Variants in CDH18 observed in about 807,000 individuals in gnomAD.
CDH18 encodes cadherin 18, also known as cadherin-18.
Under a neutral mutation model 67.9 loss-of-function variants are expected in CDH18, and 31 were observed. The ratio of observed to expected loss-of-function variants is 0.46; its 90% CI spans 0.34 to 0.62. The LOEUF (loss-of-function observed/expected upper bound fraction) is 0.62, where lower values mean the gene tolerates loss of function less well. CDH18 is among the 20% of genes least tolerant of loss of function. The pLI is 0.01. For synonymous variants in CDH18, 362 were observed against 347.2 expected (o/e 1.04, Z -0.48); for missense variants, 890 against 975.5 (o/e 0.91, Z 1.17).
chr5:19,549,554 G>A (rs962195389), intron 8 of CDH18, among the ~76,000 whole-genome samples: 3 of 147,478 alleles, frequency 2.0e-5, no homozygotes, highest in African/African-American at 7.5e-5. Flanking sequence ...AAGAATGAAA[G>A]ATATATATTA....
intron 2 of CDH18, among the ~76,000 whole-genome samples, chr5:20,017,002 G>C (rs558801615): frequency 6.6e-6 from 1 of 151,990 alleles, no homozygotes; most frequent in African/African-American, 2.4e-5. Context: ...TAAATAGCAT[G>C]ATCAAATAAA....
intron 5 of CDH18, among the ~76,000 whole-genome samples, chr5:19,615,701 C>A (rs1331905200): frequency 6.6e-6 from 1 of 152,126 alleles, no homozygotes; most frequent in African/African-American, 2.4e-5. Context: ...CTATCCCTCC[C>A]CTCCCTCAAC....
At chr5:20,462,513 A>T (rs1010800207) in intron 1 of CDH18, among the ~76,000 whole-genome samples, 2 of 152,240 alleles carry the variant, frequency 1.3e-5, no homozygotes, top group African/African-American at 4.8e-5. Context: ...TTCCCAACAT[A>T]TAGAAATGAT....
At chr5:20,192,706 C>T (rs1394925058) in intron 2 of CDH18, among the ~76,000 whole-genome samples, 3 of 152,024 alleles carry the variant, frequency 2.0e-5, no homozygotes, top group South Asian at 2.1e-4. Context: ...CTCCATTGGT[C>T]TATATGTCTG....
At chr5:19,814,941 T>C (rs1367456999) in intron 3 of CDH18, among the ~76,000 whole-genome samples, 1 of 151,938 alleles carries the variant, frequency 6.6e-6, no homozygotes, top group Non-Finnish European at 1.5e-5. Flanking sequence ...TGAATAAATA[T>C]ATACACTGTG....
chr5:19,907,315 G>A (rs1790647325), intron 2 of CDH18, among the ~76,000 whole-genome samples: 1 of 151,912 alleles, frequency 6.6e-6, no homozygotes, highest in African/African-American at 2.4e-5. Context: ...TGGGACAAAA[G>A]TGTTTTGGAT....
At chr5:20,117,145 A>T (rs1348003966) in intron 2 of CDH18, among the ~76,000 whole-genome samples, 1 of 152,104 alleles carries the variant, frequency 6.6e-6, no homozygotes, top group Admixed American at 6.6e-5. Flanking sequence ...TTACATTTAA[A>T]TTTATATTCG....
intron 10 of CDH18, among the ~76,000 whole-genome samples, chr5:19,519,034 C>G (rs542998168): frequency 4.6e-5 from 7 of 152,148 alleles, no homozygotes; most frequent in Non-Finnish European, 8.8e-5. Context: ...TAGCTGTACC[C>G]GGTCAGGTAA....
intron 2 of CDH18, among the ~76,000 whole-genome samples, chr5:20,083,068 G>A (rs189009304): frequency 1.3e-5 from 2 of 152,296 alleles, no homozygotes; most frequent in East Asian, 3.9e-4. Context: ...ATGTTACATT[G>A]CATTTCCAAC....
At chr5:20,055,358 A>C (rs1393366245) in intron 2 of CDH18, among the ~76,000 whole-genome samples, 3 of 152,358 alleles carry the variant, frequency 2.0e-5, no homozygotes, top group African/African-American at 7.2e-5. Flanking sequence ...CAAAGCCTCA[A>C]TTCTGAAACA....
chr5:20,386,643 C>A (rs955674941), intron 1 of CDH18, among the ~76,000 whole-genome samples: 2 of 152,022 alleles, frequency 1.3e-5, no homozygotes, highest in African/African-American at 4.8e-5. Context: ...CTTGTATTCC[C>A]CCTTTGTAGA....
chr5:19,908,132 A>G (rs570156650), intron 2 of CDH18, among the ~76,000 whole-genome samples: 6 of 152,200 alleles, frequency 3.9e-5, no homozygotes, highest in African/African-American at 1.4e-4. Context: ...CTTATTTACT[A>G]TAATTATAAA....
At chr5:20,414,425 A>G (rs935002705) in intron 1 of CDH18, among the ~76,000 whole-genome samples, 1 of 152,198 alleles carries the variant, frequency 6.6e-6, no homozygotes, top group Non-Finnish European at 1.5e-5. Context: ...ATGGCTATAC[A>G]GGAACATAAA....
At chr5:19,797,367 G>A (rs975107208) in intron 3 of CDH18, among the ~76,000 whole-genome samples, 8 of 151,830 alleles carry the variant, frequency 5.3e-5, no homozygotes, top group Admixed American at 5.3e-4. Context: ...AATACTTAAA[G>A]ATCATAAAGG....
intron 2 of CDH18, among the ~76,000 whole-genome samples, chr5:20,149,287 G>A (rs983995297): frequency 6.6e-6 from 1 of 152,088 alleles, no homozygotes; most frequent in African/African-American, 2.4e-5. Context: ...GGGGGTGTCT[G>A]CATTTTCCAT....
chr5:20,297,097 T>C (rs1747597421), intron 1 of CDH18, among the ~76,000 whole-genome samples: 1 of 152,130 alleles, frequency 6.6e-6, no homozygotes, highest in Admixed American at 6.5e-5. Flanking sequence ...ACTTAACATA[T>C]ATTTAAATAC....
At chr5:20,124,930 ATGGTCC>A (rs1748690777) in intron 2 of CDH18, among the ~76,000 whole-genome samples, 1 of 152,128 alleles carries the variant, frequency 6.6e-6, no homozygotes, top group Non-Finnish European at 1.5e-5. Flanking sequence ...TATATTTGTA[ATGGTCC>A]TGGATAAATG....
intron 1 of CDH18, among the ~76,000 whole-genome samples, chr5:20,547,454 A>G (rs2007259): frequency 0.45 from 68,386 of 151,298 alleles, 15,748 homozygotes; most frequent in East Asian, 0.57. Flanking sequence ...CCAGCTACTC[A>G]GGAGGCTGAG....
At position 19,584,805 on chromosome 5, in the gene CDH18, A is replaced by AAAG. The variant is rs1399972447; in HGVS notation, c.999+6251_999+6252insCTT. Among the ~76,000 whole-genome samples, 158 of 148,616 alleles carry AAAG rather than the reference A, an allele frequency of 1.1e-3. 1 individual carries two copies. Among genetic ancestry groups the AAAG allele is most frequent in the Middle Eastern group, 3.5e-3 (1 of 288 alleles). On this transcript the variant is annotated intron_variant, in intron 7 of 12. Transcript: ENST00000382275. Reference sequence around the variant, plus strand: ...TCTACTAAAAATACAAAAAAAAAAAAAAAAAAAGAAAAAAAGAAAAAGAAA... The same window carrying AAAG: ...TCTACTAAAAATACAAAAAAAAAAAAAAGAAAAAAAGAAAAAAAGAAAAAGAAA...
Sources: gnomAD v4.1 joint callset for allele counts (sites outside exome capture counted in the v4.1 genomes callset) on GRCh38, gnomAD v4.1.1 for gene constraint, MANE v1.5 for transcripts, NCBI Gene and HGNC (gene_info 2026-07-23, HGNC 2026-07-21) for gene names.